Variants in ATAD2 observed in about 807,000 individuals in gnomAD.
The protein encoded by ATAD2 is ATPase family AAA domain containing 2.
In ATAD2, 62 loss-of-function variants were observed where a neutral mutation model predicts 168.9. That is an observed-to-expected ratio of 0.37 (90% confidence interval 0.30 to 0.45). The LOEUF (loss-of-function observed/expected upper bound fraction) is 0.45. ATAD2 is among the 20% of genes least tolerant of loss of function. ATAD2 has a pLI of 1.00. For synonymous variants in ATAD2, 613 were observed against 571.6 expected, an observed-to-expected ratio of 1.07 and a Z score of -1.03; for missense variants, 1,419 against 1,667.8, an observed-to-expected ratio of 0.85 and a Z score of 2.60.
chr8:123,353,754 A>T (rs1828547623), intron 13 of ATAD2, among the ~76,000 whole-genome samples: 1 of 150,312 alleles, frequency 6.7e-6, no homozygotes, highest in South Asian at 2.1e-4. Flanking sequence ...CAGAGTTAGG[A>T]TTTTTTTTTT....
rs541082849 is a variant in ATAD2 at position 123,320,983 on chromosome 8, A to T, written c.*151T>A. ...ACATGACATTTATCTTAATATGTAC[A>T]TAAATATCAGGAAAGTTTAAATACT... On this transcript the variant is annotated 3_prime_UTR_variant, in exon 28 of 28. Coordinates refer to ENST00000287394, the MANE Select transcript of ATAD2 (RefSeq NM_014109.4). 1.5e-6 allele frequency: 1 copy of T among 687,634 alleles called. No homozygotes were observed. Among genetic ancestry groups the T allele is most frequent in the African/African-American group, 1.9e-5 (1 of 53,840 alleles). 42.6% of individuals were successfully genotyped at this position (687,634 alleles called of 1,614,324 possible).
chr8:123,385,464 G>A (rs753555949), intron 1 of ATAD2, among the ~76,000 whole-genome samples: 1 of 152,114 alleles, frequency 6.6e-6, no homozygotes, highest in Non-Finnish European at 1.5e-5. Context: ...AACATCAAAA[G>A]ATGACAGAAA....
chr8:123,385,382 A>G (rs1277693640), intron 1 of ATAD2, among the ~76,000 whole-genome samples: 2 of 152,226 alleles, frequency 1.3e-5, no homozygotes, highest in African/African-American at 4.8e-5. Flanking sequence ...GTTTCAAAAC[A>G]TATCAACTGG....
chr8:123,385,073 C>T (rs1196328876), intron 1 of ATAD2, among the ~76,000 whole-genome samples: 3 of 152,068 alleles, frequency 2.0e-5, no homozygotes, highest in African/African-American at 7.2e-5. Flanking sequence ...TATTTAGGTA[C>T]CTCCAAACTT....
chr8:123,357,449 T>C, intron 12 of ATAD2, 113 bp downstream of exon 12: 2 of 1,041,580 alleles, frequency 1.9e-6, no homozygotes, highest in Non-Finnish European at 2.6e-6. Context: ...AGAAATAGTC[T>C]AATTCTTCTG....
rs149713625 is a variant in ATAD2 at position 123,348,603 on chromosome 8, G to A, written c.1807-330C>T. On this transcript the variant is annotated intron_variant, in intron 14 of 27. Transcript: ENST00000287394. ...GAGGCACGAGAATTGCTTGAATCCCGGGGACGGAAGTTGCAGTGAGCTGAG... is the reference window on the plus strand; with the variant it reads ...GAGGCACGAGAATTGCTTGAATCCCAGGGACGGAAGTTGCAGTGAGCTGAG... Among the ~76,000 whole-genome samples the A allele has an allele frequency of 5.3e-5, 8 of 152,256 alleles. No homozygotes were observed. The East Asian group carries it at 7.7e-4, about 15-fold the overall frequency.
At chr8:123,390,586 T>A (rs548122460) in intron 1 of ATAD2, among the ~76,000 whole-genome samples, 13 of 152,366 alleles carry the variant, frequency 8.5e-5, no homozygotes, top group South Asian at 2.1e-4. Flanking sequence ...TTTAAGTTTT[T>A]AAAATCTCCT....
chr8:123,391,692 T>C (rs951493367), intron 1 of ATAD2, among the ~76,000 whole-genome samples: 1 of 152,140 alleles, frequency 6.6e-6, no homozygotes, highest in South Asian at 2.1e-4. Context: ...AAATGCATGA[T>C]TGATGTAAAA....
chr8:123,356,614 G>A (rs905274995), intron 12 of ATAD2, 137 bp from the exon 13 acceptor site: 5 of 420,340 alleles, frequency 1.2e-5, no homozygotes, highest in African/African-American at 8.4e-5. Flanking sequence ...TATTTGAATC[G>A]GTTTTTCTTC....
At chr8:123,328,767 A>C (rs1827685737) in intron 24 of ATAD2, among the ~76,000 whole-genome samples, 188 bp from the exon 25 acceptor site, 1 of 151,608 alleles carries the variant, frequency 6.6e-6, no homozygotes, top group African/African-American at 2.4e-5. Context: ...CCAGACCATA[A>C]AATGGTAAAA....
intron 1 of ATAD2, 57 bp downstream of exon 1, chr8:123,396,130 G>T: frequency 6.7e-7 from 1 of 1,483,966 alleles, no homozygotes; most frequent in South Asian, 1.3e-5. Context: ...CGAGCGCCGG[G>T]CTGCCGGCAG....
At position 123,356,917 on chromosome 8, in the gene ATAD2, C is replaced by T. The variant is rs577554800; in HGVS notation, c.1558-440G>A. Among the ~76,000 whole-genome samples the T allele has an allele frequency of 2.0e-5, 3 of 152,114 alleles. No individual in the cohort carries two copies. In the South Asian group the frequency reaches 6.2e-4, roughly 31 times the overall value. On this transcript the variant is annotated intron_variant, in intron 12 of 27. Transcript: ENST00000287394. ...CAACCAGAAGTATTCAAAAGATATA[C>T]TCCACTGGTTATATACCTTAGATTT...
intron 1 of ATAD2, among the ~76,000 whole-genome samples, chr8:123,391,485 GAAAAAAAAA>G (rs10563871): frequency 1.8e-4 from 6 of 33,860 alleles, no homozygotes; most frequent in African/African-American, 6.7e-4. Flanking sequence ...GAGAAGTTTT[GAAAAAAAAA>G]AAAAAAAAAA....
upstream of ATAD2, among the ~76,000 whole-genome samples, chr8:123,399,260 C>CA (rs71573678): frequency 0.047 from 5,054 of 108,060 alleles, 89 homozygotes; most frequent in Middle Eastern, 0.094. Context: ...GACTCCGTCT[C>CA]AAAAAAAAAA....
At chr8:123,401,021 C>A, upstream of ATAD2, 1 of 1,550,612 alleles carries the variant, frequency 6.4e-7, no homozygotes, top group Non-Finnish European at 8.8e-7. Flanking sequence ...GAGACAGGCA[C>A]CATGGGCAGC....
intron 2 of ATAD2, among the ~76,000 whole-genome samples, chr8:123,375,791 T>C (rs1829290773): frequency 2.0e-5 from 3 of 152,058 alleles, no homozygotes; most frequent in African/African-American, 4.8e-5. Flanking sequence ...GCCAACATGG[T>C]GAAACTCCAT....
chr8:123,360,059 C>T (rs1038829852), intron 9 of ATAD2, among the ~76,000 whole-genome samples: 5 of 151,990 alleles, frequency 3.3e-5, no homozygotes, highest in Non-Finnish European at 5.9e-5. Flanking sequence ...AGGTGCTTTA[C>T]GTGGATTAAG....
rs180910312 is a variant in ATAD2 at position 123,365,245 on chromosome 8, G to A, written c.1050-3599C>T. Among the ~76,000 whole-genome samples the A allele has an allele frequency of 5.3e-3, 801 of 152,166 alleles. 4 individuals carry two copies. The highest frequency in any genetic ancestry group is 0.017 in the African/African-American group (725 of 41,510). On this transcript the variant is annotated intron_variant, in intron 8 of 27. Coordinates refer to ENST00000287394, the MANE Select transcript of ATAD2 (RefSeq NM_014109.4). Reference sequence around the variant, plus strand: ...CAAAGAGGCAAAAGACCTCTACAAGGAAAACTACAAAACACTGCTGAAAGA... The same window carrying A: ...CAAAGAGGCAAAAGACCTCTACAAGAAAAACTACAAAACACTGCTGAAAGA...
At chr8:123,394,905 G>A (rs75030731) in intron 1 of ATAD2, among the ~76,000 whole-genome samples, 3,930 of 152,304 alleles carry the variant, frequency 0.026, 56 homozygotes, top group Admixed American at 0.041. Context: ...CAATTTCAGA[G>A]ACTGAAGGGA....
Sources: gnomAD v4.1 joint callset for allele counts (sites outside exome capture counted in the v4.1 genomes callset) on GRCh38, gnomAD v4.1.1 for gene constraint, MANE v1.5 for transcripts, NCBI Gene and HGNC (gene_info 2026-07-23, HGNC 2026-07-21) for gene names.